TMEM161B: variants seen among roughly 807,000 people sequenced by gnomAD.
TMEM161B encodes transmembrane protein 161B.
A neutral mutation model predicts 61.8 loss-of-function variants in TMEM161B; 34 were observed. The ratio of observed to expected loss-of-function variants is 0.55; its 90% confidence interval spans 0.42 to 0.73. The LOEUF is 0.73. TMEM161B is among the 30% of genes least tolerant of loss of function. The pLI is 0.00. For missense variants in TMEM161B, 456 were observed against 558.5 expected, an observed-to-expected ratio of 0.82 and a Z score of 1.85; for synonymous variants, 167 against 192.8, an observed-to-expected ratio of 0.87 and a Z score of 1.11.
chr5:88,241,626 T>C (rs1227452969), intron 1 of TMEM161B, among the ~76,000 whole-genome samples: 2 of 151,842 alleles, frequency 1.3e-5, no homozygotes, highest in African/African-American at 4.8e-5. Flanking sequence ...AGAACTGGCC[T>C]GAAAGTCACT....
chr5:88,191,982 G>GTATATA (rs67658909), downstream of TMEM161B, among the ~76,000 whole-genome samples: 14 of 19,660 alleles, frequency 7.1e-4, no homozygotes, highest in Non-Finnish European at 9.1e-4. Flanking sequence ...AAAAAAAAGT[G>GTATATA]TATATATATA....
At chr5:88,247,229 T>C (rs992381102) in intron 1 of TMEM161B, among the ~76,000 whole-genome samples, 1 of 152,190 alleles carries the variant, frequency 6.6e-6, no homozygotes, top group South Asian at 2.1e-4. Context: ...AGAAATAAAA[T>C]GTACCCAAAT....
intron 1 of TMEM161B, among the ~76,000 whole-genome samples, chr5:88,248,678 G>A (rs1224715169): frequency 7.7e-6 from 1 of 130,504 alleles, no homozygotes; most frequent in Non-Finnish European, 1.6e-5. Context: ...TAAGAGGACA[G>A]ACAGAAGCAA....
intron 5 of TMEM161B, among the ~76,000 whole-genome samples, chr5:88,213,314 ATTT>A (rs1285684590): frequency 2.6e-5 from 4 of 152,066 alleles, no homozygotes; most frequent in South Asian, 4.1e-4. Flanking sequence ...GTTAAAAAAA[ATTT>A]TTTAACAAAA....
chr5:88,210,413 G>T (rs1382781298), intron 5 of TMEM161B, among the ~76,000 whole-genome samples: 1 of 152,116 alleles, frequency 6.6e-6, no homozygotes, highest in African/African-American at 2.4e-5. Flanking sequence ...AGATTAAGAA[G>T]TATACAGGCA....
intron 8 of TMEM161B, among the ~76,000 whole-genome samples, chr5:88,204,160 C>G (rs974616409): frequency 2.0e-4 from 31 of 152,076 alleles, no homozygotes; most frequent in African/African-American, 7.2e-4. Context: ...CCGCTCTAAC[C>G]TCTGATATAA....
intron 1 of TMEM161B, among the ~76,000 whole-genome samples, chr5:88,241,377 G>C (rs1361866324): frequency 6.6e-6 from 1 of 151,790 alleles, no homozygotes; most frequent in Non-Finnish European, 1.5e-5. Context: ...AGGTATTCAA[G>C]ATCACATAGT....
At position 88,195,758 on chromosome 5, in the gene TMEM161B, C is replaced by T; in HGVS notation, c.*453G>A. 1 of 987,426 alleles carries T rather than the reference C, an allele frequency of 1.0e-6. No homozygotes were observed. The highest frequency in any genetic ancestry group is 1.2e-6 in the Non-Finnish European group (1 of 831,238). The allele number at this position is 987,426 out of a possible 1,614,324, so 61.2% of individuals were successfully genotyped here. On this transcript the variant is annotated 3_prime_UTR_variant, in exon 12 of 12. Transcript: ENST00000296595. ...TCAAGAGTAACTAATAAATTACCAA[C>T]AGAAGAGACTTTAGCCCCTTTCCCT... is the stretch of plus-strand genomic sequence containing the variant.
downstream of TMEM161B, among the ~76,000 whole-genome samples, chr5:88,188,572 T>C (rs1748506798): frequency 6.6e-6 from 1 of 152,144 alleles, no homozygotes; most frequent in African/African-American, 2.4e-5. Flanking sequence ...GGACTGAGGA[T>C]ACAAAAAGTA....
At chr5:88,207,372 C>T (rs1745717405) in intron 5 of TMEM161B, among the ~76,000 whole-genome samples, 192 bp from the exon 6 acceptor site, 1 of 152,122 alleles carries the variant, frequency 6.6e-6, no homozygotes, top group Non-Finnish European at 1.5e-5. Flanking sequence ...TCTAGTTTAT[C>T]TCACTCAAAT....
chr5:88,257,940 C>G (rs76666416), intron 1 of TMEM161B, among the ~76,000 whole-genome samples: 1 of 152,092 alleles, frequency 6.6e-6, no homozygotes, highest in South Asian at 2.1e-4. Context: ...AGATACGTGG[C>G]CAATTCTCTC....
rs764112016 is a variant in TMEM161B at position 88,220,727 on chromosome 5, G to GAAAAAAAAAAAA, written c.290-20_290-9dup. The GAAAAAAAAAAAA allele has an allele frequency of 2.2e-5, 13 of 602,804 alleles. No individual in the cohort carries two copies. The highest frequency in any genetic ancestry group is 1.1e-4 in the East Asian group (1 of 9,372). 37.3% of individuals were successfully genotyped at this position (602,804 alleles called of 1,614,324 possible). A position where few individuals can be genotyped will look rare whatever the true frequency, so the allele number is the denominator to read the frequency against. ...CTGGAAAGTAATGCAATGCTGGAAA[G>GAAAAAAAAAAAA]AAAAAAAAAAAAAAAAAAAAAAAAG... On this transcript the variant is annotated splice_polypyrimidine_tract_variant and intron_variant, in intron 4 of 11. Coordinates refer to ENST00000296595, the MANE Select transcript of TMEM161B (RefSeq NM_153354.5).
At chr5:88,190,188 T>C, downstream of TMEM161B, 2 of 701,062 alleles carry the variant, frequency 2.9e-6, no homozygotes. Flanking sequence ...GAAGTCTAGC[T>C]GGAGATCTTC....
At chr5:88,191,047 T>C (rs995120727), downstream of TMEM161B, among the ~76,000 whole-genome samples, 1 of 152,190 alleles carries the variant, frequency 6.6e-6, no homozygotes, top group African/African-American at 2.4e-5. Context: ...ATTCAATAAT[T>C]GTTTTTTGTC....
At chr5:88,198,458 A>C (rs1265958074) in intron 10 of TMEM161B, 1 of 151,906 alleles carries the variant, frequency 6.6e-6, no homozygotes, top group Non-Finnish European at 1.5e-5. Flanking sequence ...AATAATAATA[A>C]AGCAAGGTAG....
rs770757871 is a variant in TMEM161B, at chr5:88,268,766, G to A, written c.-43C>T. On this transcript the variant is annotated 5_prime_UTR_variant, in exon 1 of 12. Coordinates refer to ENST00000296595, the MANE Select transcript of TMEM161B (RefSeq NM_153354.5). ...GTGGACCAGACACCCTGGAGTTGCC[G>A]GGGCAGTCCCAAACCTCTTACCTCC... 7.4e-6 allele frequency: 12 copies of A among 1,613,730 alleles called. No individual in the cohort carries two copies. The South Asian group carries it at 1.1e-4, about 15-fold the overall frequency.
downstream of TMEM161B, among the ~76,000 whole-genome samples, chr5:88,191,740 G>A (rs541314461): frequency 3.3e-5 from 5 of 151,526 alleles, no homozygotes; most frequent in East Asian, 3.9e-4. Flanking sequence ...GGTGGATCAC[G>A]AGGTCAGGAG....
At chr5:88,236,318 C>A (rs1415960105) in intron 2 of TMEM161B, among the ~76,000 whole-genome samples, 2 of 152,036 alleles carry the variant, frequency 1.3e-5, no homozygotes, top group African/African-American at 4.8e-5. Context: ...TTAGAAAAAA[C>A]AGAAAGCAGG....
intron 2 of TMEM161B, among the ~76,000 whole-genome samples, chr5:88,229,854 G>C (rs1354790884): frequency 6.6e-6 from 1 of 151,524 alleles, no homozygotes; most frequent in Admixed American, 6.6e-5. Context: ...CCAAAATGCT[G>C]GGATTATAAG....
Sources: gnomAD v4.1 joint callset for allele counts (sites outside exome capture counted in the v4.1 genomes callset) on GRCh38, gnomAD v4.1.1 for gene constraint, MANE v1.5 for transcripts, NCBI Gene and HGNC (gene_info 2026-07-23, HGNC 2026-07-21) for gene names.